Variants in SCHIP1 observed in about 807,000 individuals in gnomAD.
SCHIP1 encodes schwannomin interacting protein 1, also known as schwannomin-interacting protein 1.
In SCHIP1, 8 loss-of-function variants were observed where a neutral mutation model predicts 29.7. The ratio of observed to expected loss-of-function variants is 0.27; its 90% CI spans 0.16 to 0.49. SCHIP1 has a LOEUF of 0.49. Among genes scored for constraint, SCHIP1 ranks in the 20% least tolerant of loss-of-function variants. The pLI is 0.99. For missense variants in SCHIP1, 193 were observed against 294.6 expected (o/e 0.66, Z 2.52); for synonymous variants, 76 against 94.9 (o/e 0.80, Z 1.16).
the SCHIP1 span, among the ~76,000 whole-genome samples, chr3:159,632,061 T>C: frequency 1.3e-5 from 2 of 152,072 alleles, no homozygotes; most frequent in African/African-American, 2.4e-5. Flanking sequence ...TAAATCTATG[T>C]TTTAGCTATG....
chr3:159,448,736 C>A, the SCHIP1 span, among the ~76,000 whole-genome samples: 1 of 152,138 alleles, frequency 6.6e-6, no homozygotes, highest in South Asian at 2.1e-4. Context: ...GTGCTACAAA[C>A]AATGGAACTT....
At chr3:159,538,459 G>C in the SCHIP1 span, among the ~76,000 whole-genome samples, 9 of 151,900 alleles carry the variant, frequency 5.9e-5, no homozygotes, top group African/African-American at 1.7e-4. Flanking sequence ...TGGGACTTGG[G>C]AACTTTAAGG....
the SCHIP1 span, among the ~76,000 whole-genome samples, chr3:159,619,649 TG>T: frequency 6.6e-6 from 1 of 152,250 alleles, no homozygotes; most frequent in Admixed American, 6.5e-5. Flanking sequence ...AAGAATTTAT[TG>T]GAGTCCATAA....
chr3:159,378,382 G>A, the SCHIP1 span, among the ~76,000 whole-genome samples: 4 of 152,154 alleles, frequency 2.6e-5, no homozygotes, highest in African/African-American at 9.7e-5. Flanking sequence ...GATTTTTAAA[G>A]GTCTTTTCTA....
At chr3:159,735,650 T>A in the SCHIP1 span, among the ~76,000 whole-genome samples, 3 of 152,002 alleles carry the variant, frequency 2.0e-5, no homozygotes, top group African/African-American at 7.3e-5. Context: ...TTTGCCTTAC[T>A]TGCAATGAGT....
intron 2 of SCHIP1, among the ~76,000 whole-genome samples, chr3:159,868,914 A>C (rs1200921075): frequency 1.3e-5 from 2 of 152,082 alleles, no homozygotes; most frequent in African/African-American, 4.8e-5. Context: ...TCCTACCAGC[A>C]ATGTTTCAGA....
chr3:159,594,187 G>A, the SCHIP1 span, among the ~76,000 whole-genome samples: 1 of 152,216 alleles, frequency 6.6e-6, no homozygotes, highest in Non-Finnish European at 1.5e-5. Context: ...TGTTTACAAG[G>A]CGGAAGAAAT....
chr3:159,572,452 T>C, the SCHIP1 span, among the ~76,000 whole-genome samples: 1 of 152,198 alleles, frequency 6.6e-6, no homozygotes. Context: ...AATCCTGAGT[T>C]CTAATTTGAT....
the SCHIP1 span, among the ~76,000 whole-genome samples, chr3:159,384,066 T>G: frequency 6.6e-6 from 1 of 151,490 alleles, no homozygotes; most frequent in African/African-American, 2.4e-5. Context: ...AGGGACAATT[T>G]GACTTCCTCT....
At chr3:159,700,749 G>T in the SCHIP1 span, among the ~76,000 whole-genome samples, 5 of 151,824 alleles carry the variant, frequency 3.3e-5, no homozygotes, top group African/African-American at 1.2e-4. Flanking sequence ...GGAGGCAGAG[G>T]TTGCAGTGAG....
At chr3:159,632,185 C>T in the SCHIP1 span, among the ~76,000 whole-genome samples, 1 of 152,182 alleles carries the variant, frequency 6.6e-6, no homozygotes, top group African/African-American at 2.4e-5. Flanking sequence ...GTCGTCTTGC[C>T]CTAGAAAACC....
At chr3:159,631,141 T>C in the SCHIP1 span, among the ~76,000 whole-genome samples, 3 of 151,886 alleles carry the variant, frequency 2.0e-5, no homozygotes, top group East Asian at 1.9e-4. Flanking sequence ...ACTTAACACA[T>C]GCTAGGATGG....
the SCHIP1 span, among the ~76,000 whole-genome samples, chr3:159,355,113 C>T: frequency 6.6e-6 from 1 of 152,126 alleles, no homozygotes; most frequent in East Asian, 1.9e-4. Flanking sequence ...ATCAACAGCC[C>T]TCTGGAGTTG....
chr3:159,442,365 T>A, the SCHIP1 span, among the ~76,000 whole-genome samples: 3 of 152,078 alleles, frequency 2.0e-5, no homozygotes, highest in African/African-American at 7.2e-5. Context: ...CTGGTCAGGA[T>A]AGGAGCGCTC....
At chr3:159,784,944 C>T in the SCHIP1 span, among the ~76,000 whole-genome samples, 4 of 152,180 alleles carry the variant, frequency 2.6e-5, no homozygotes, top group Non-Finnish European at 5.9e-5. Flanking sequence ...TGAGCCACTG[C>T]GCCTGGCCCA....
chr3:159,694,594 AAGAAAGAAAGAAAGG>A, the SCHIP1 span, among the ~76,000 whole-genome samples: 1 of 146,768 alleles, frequency 6.8e-6, no homozygotes, highest in Non-Finnish European at 1.5e-5. Flanking sequence ...GAAAGAAAGA[AAGAAAGAAAGAAAGG>A]AATTATGACC....
chr3:159,314,543 A>G, the SCHIP1 span, among the ~76,000 whole-genome samples: 5 of 152,206 alleles, frequency 3.3e-5, no homozygotes, highest in Admixed American at 2.0e-4. Context: ...AGGGGAAAAT[A>G]AGTAAAAGAT....
At chr3:159,873,723 A>C (rs984791714) in intron 2 of SCHIP1, among the ~76,000 whole-genome samples, 1 of 152,222 alleles carries the variant, frequency 6.6e-6, no homozygotes, top group Non-Finnish European at 1.5e-5. Context: ...TACAAACTGA[A>C]ACTGTATAAC....
the SCHIP1 span, among the ~76,000 whole-genome samples, chr3:159,341,954 T>C: frequency 6.6e-6 from 1 of 152,204 alleles, no homozygotes; most frequent in East Asian, 1.9e-4. Flanking sequence ...AAGCTTATGA[T>C]GAAAAATTTT....
Sources: gnomAD v4.1 joint callset for allele counts (sites outside exome capture counted in the v4.1 genomes callset) on GRCh38, gnomAD v4.1.1 for gene constraint, MANE v1.5 for transcripts, NCBI Gene and HGNC (gene_info 2026-07-23, HGNC 2026-07-21) for gene names.